LIPA: variants seen among roughly 807,000 people sequenced by gnomAD.
The protein encoded by LIPA is lipase A, lysosomal acid type.
A neutral mutation model predicts 40.6 loss-of-function variants in LIPA; 26 were observed. That is an observed-to-expected ratio of 0.64 (90% CI 0.47 to 0.89). LIPA has a LOEUF of 0.89. Among genes scored for constraint, LIPA ranks in the 40% least tolerant of loss-of-function variants. The pLI is 0.00. For synonymous variants in LIPA, 188 were observed against 168.4 expected, an observed-to-expected ratio of 1.12 and a Z score of -0.90; for missense variants, 455 against 479.6, an observed-to-expected ratio of 0.95 and a Z score of 0.48.
chr10:89,326,500 A>G (rs987618040), intron 1 of LIPA, among the ~76,000 whole-genome samples: 2 of 152,222 alleles, frequency 1.3e-5, no homozygotes, highest in Non-Finnish European at 2.9e-5. Flanking sequence ...CTTAGATAGA[A>G]TTAATAAGAT....
chr10:89,386,452 A>G lies in LIPA; in HGVS notation c.61+26339T>C, dbSNP rs139253393. On this transcript the variant is annotated intron_variant, in intron 2 of 8. Transcript: ENST00000371837. The stretch of plus-strand genomic sequence containing the variant: ...TTATTCAATTTAACCAGAGGAAACT[A>G]CTATTGACTTTTCCCTGTAAACAAG... Among the ~76,000 whole-genome samples the G allele has an allele frequency of 3.0e-3, 456 of 152,344 alleles. 2 individuals are homozygous for G. The highest frequency in any genetic ancestry group is 0.01 in the Middle Eastern group (3 of 294).
intron 2 of LIPA, among the ~76,000 whole-genome samples, chr10:89,368,926 T>TCACACACACACACACACA (rs3063812): frequency 4.3e-4 from 64 of 148,704 alleles, no homozygotes; most frequent in African/African-American, 1.5e-3. Context: ...AACACAAAAC[T>TCACACACACACACACACA]CACACACACA....
intron 2 of LIPA, among the ~76,000 whole-genome samples, chr10:89,407,143 G>A (rs895028458): frequency 1.3e-5 from 2 of 152,116 alleles, no homozygotes; most frequent in Admixed American, 1.3e-4. Context: ...AGGGAGGAAA[G>A]CCATTCAGCT....
chr10:89,405,292 A>T (rs1317798788), intron 2 of LIPA: 1 of 152,238 alleles, frequency 6.6e-6, no homozygotes, highest in African/African-American at 2.4e-5. Flanking sequence ...ATTACATGAA[A>T]ATGTTGCTAA....
chr10:89,389,288 C>A (rs147238647), intron 2 of LIPA, among the ~76,000 whole-genome samples: 40 of 152,198 alleles, frequency 2.6e-4, no homozygotes, highest in African/African-American at 8.7e-4. Flanking sequence ...TTCAGTCAAG[C>A]CTTTGGTTTT....
chr10:89,346,665 A>C (rs1843924382), upstream of LIPA, among the ~76,000 whole-genome samples: 1 of 152,202 alleles, frequency 6.6e-6, no homozygotes, highest in African/African-American at 2.4e-5. Context: ...CTGACGCAAT[A>C]AACAGAAGAG....
upstream of LIPA, among the ~76,000 whole-genome samples, chr10:89,344,953 G>C (rs1453111276): frequency 1.3e-5 from 2 of 152,104 alleles, no homozygotes; most frequent in Non-Finnish European, 2.9e-5. Flanking sequence ...GTATCACTGA[G>C]GACAGGAGTT....
At chr10:89,250,764 C>G (rs1437631827) in intron 1 of LIPA, among the ~76,000 whole-genome samples, 1 of 152,268 alleles carries the variant, frequency 6.6e-6, no homozygotes, top group East Asian at 1.9e-4. Flanking sequence ...CCTTCCAACA[C>G]AACACTACAT....
chr10:89,336,993 T>C (rs1367610691), intron 1 of LIPA, among the ~76,000 whole-genome samples: 1 of 152,222 alleles, frequency 6.6e-6, no homozygotes, highest in Non-Finnish European at 1.5e-5. Context: ...CTTTAGTATC[T>C]TCCAACTACA....
intron 1 of LIPA, among the ~76,000 whole-genome samples, chr10:89,311,512 T>C (rs1474100322): frequency 2.4e-5 from 3 of 123,236 alleles, no homozygotes; most frequent in Non-Finnish European, 4.8e-5. Context: ...GTGACAGAGG[T>C]AGACCCTGTC....
chr10:89,252,818 A>AAAC (rs1192345607), upstream of LIPA, among the ~76,000 whole-genome samples: 2 of 151,938 alleles, frequency 1.3e-5, no homozygotes, highest in Non-Finnish European at 2.9e-5. Flanking sequence ...AAAAAAAAAA[A>AAAC]AAAACAGGGA....
At chr10:89,336,733 G>A (rs1843746638) in intron 1 of LIPA, among the ~76,000 whole-genome samples, 1 of 151,410 alleles carries the variant, frequency 6.6e-6, no homozygotes, top group African/African-American at 2.5e-5. Flanking sequence ...TACATTAGCA[G>A]CCCTATTTGG....
Position 89,225,193 on chromosome 10 carries a change from T to C in LIPA, c.574A>G (p.Lys192Glu), listed in dbSNP as rs1842752544. The C allele has an allele frequency of 8.7e-6, 14 of 1,614,054 alleles. No individual in the cohort carries two copies. The highest frequency in any genetic ancestry group is 1.7e-5 in the Admixed American group (1 of 60,016). The change falls in exon 6 of 10, where the codon AAA becomes GAA. Residue 192 changes from lysine to glutamate, a missense_variant. Transcript: ENST00000336233. Reference sequence around the variant, plus strand: ...AGGGCAAAAAACATTTTAATCCTTTTAGCCAGCTCAGGGATCTGTGAAAAT... The same window carrying C: ...AGGGCAAAAAACATTTTAATCCTTTCAGCCAGCTCAGGGATCTGTGAAAAT... ...IAFSQIPELA[K>E]RIKMFFALGP...
intron 1 of LIPA, among the ~76,000 whole-genome samples, chr10:89,261,618 C>T (rs191409721): frequency 6.6e-6 from 1 of 152,284 alleles, no homozygotes; most frequent in East Asian, 1.9e-4. Flanking sequence ...CTCTTGATTA[C>T]AAGATGAAAT....
intron 1 of LIPA, among the ~76,000 whole-genome samples, chr10:89,332,257 T>C (rs1843661610): frequency 1.3e-5 from 2 of 152,194 alleles, no homozygotes; most frequent in African/African-American, 4.8e-5. Context: ...AAAAAAACAG[T>C]CACGTTACGT....
At chr10:89,343,942 C>A (rs913047990), upstream of LIPA, among the ~76,000 whole-genome samples, 3 of 152,190 alleles carry the variant, frequency 2.0e-5, no homozygotes, top group African/African-American at 7.2e-5. Flanking sequence ...TATCATTCGA[C>A]AAACTTTATT....
intron 2 of LIPA, among the ~76,000 whole-genome samples, chr10:89,354,305 T>TGAACAAATCAACG (rs1455455829): frequency 1.3e-5 from 2 of 152,326 alleles, no homozygotes; most frequent in African/African-American, 2.4e-5. Context: ...AACGTACATC[T>TGAACAAATCAACG]TACATGTACT....
Position 89,214,708 on chromosome 10 carries a change from C to T in LIPA, c.*120G>A. 1.5e-6 allele frequency: 1 copy of T among 677,588 alleles called. No homozygotes were observed. Among genetic ancestry groups the T allele is most frequent in the East Asian group, 2.7e-5 (1 of 36,888 alleles). The allele number at this position is 677,588 out of a possible 1,614,324, so 42.0% of individuals were successfully genotyped here. On this transcript the variant is annotated 3_prime_UTR_variant, in exon 10 of 10. Coordinates refer to ENST00000336233, the MANE Select transcript of LIPA (RefSeq NM_000235.4). Reference sequence around the variant, plus strand: ...TGGGCATCTTCAAAGTTATCATTTTCTTGGATATAAAAAAACAAAAGACCT... The same window carrying T: ...TGGGCATCTTCAAAGTTATCATTTTTTTGGATATAAAAAAACAAAAGACCT...
At chr10:89,402,555 A>G in intron 2 of LIPA, 2 of 1,614,136 alleles carry the variant, frequency 1.2e-6, no homozygotes, top group Non-Finnish European at 1.7e-6. Flanking sequence ...AAATGTGAGG[A>G]GTCTGGTGAC....
Sources: allele counts gnomAD v4.1 joint callset (sites outside exome capture counted in the v4.1 genomes callset), GRCh38; gene constraint gnomAD v4.1.1; transcripts MANE v1.5; gene names NCBI Gene and HGNC (gene_info 2026-07-23, HGNC 2026-07-21).